AQP9: variants seen among roughly 807,000 people sequenced by gnomAD.
AQP9 encodes aquaporin 9, also known as aquaporin-9.
Under a neutral mutation model 23.8 loss-of-function variants are expected in AQP9, and 19 were observed. The ratio of observed to expected loss-of-function variants is 0.80; its 90% confidence interval spans 0.56 to 1.17. The LOEUF is 1.17. AQP9 is among the 50% of genes most tolerant of loss of function. AQP9 has a pLI of 0.00. For synonymous variants in AQP9, 153 were observed against 131.5 expected (o/e 1.16, Z -1.12); for missense variants, 413 against 362.0 (o/e 1.14, Z -1.14).
intron 1 of AQP9, among the ~76,000 whole-genome samples, chr15:58,165,354 G>A (rs1363933269): frequency 6.6e-6 from 1 of 152,134 alleles, no homozygotes; most frequent in East Asian, 1.9e-4. Flanking sequence ...CAATGAATAT[G>A]TGGGGCCCAT....
At chr15:58,158,760 G>A (rs1307649581) in intron 1 of AQP9, among the ~76,000 whole-genome samples, 5 of 152,162 alleles carry the variant, frequency 3.3e-5, no homozygotes, top group African/African-American at 9.6e-5. Context: ...AAGGTAGATA[G>A]AAGACATGTT....
At chr15:58,150,449 C>G (rs1898127287) in intron 1 of AQP9, 1 of 152,618 alleles carries the variant, frequency 6.6e-6, no homozygotes, top group South Asian at 2.1e-4. Flanking sequence ...CCTCTGCCAA[C>G]TAAAATTTCA....
rs34090745 is a variant in AQP9, at chr15:58,160,637, G to GAAA, written c.112-6030_112-6028dup. Among the ~76,000 whole-genome samples the GAAA allele has an allele frequency of 2.6e-3, 387 of 150,592 alleles. 1 individual carries two copies. The Middle Eastern group carries it at 0.045, about 17-fold the overall frequency. ...TGTATGGTTTTCCTCCAATTAACCT[G>GAAA]AAAAAAAATGTACTTCCCTGGTGGA... On this transcript the variant is annotated intron_variant, in intron 1 of 5. Coordinates refer to ENST00000219919, the MANE Select transcript of AQP9 (RefSeq NM_020980.5).
At chr15:58,175,816 G>A (rs893730829) in intron 4 of AQP9, among the ~76,000 whole-genome samples, 2 of 152,270 alleles carry the variant, frequency 1.3e-5, no homozygotes, top group South Asian at 4.2e-4. Flanking sequence ...TTCAATGTAT[G>A]GATGAAAAAC....
intron 1 of AQP9, among the ~76,000 whole-genome samples, chr15:58,159,064 G>C (rs1171553554): frequency 6.6e-6 from 1 of 152,130 alleles, no homozygotes; most frequent in East Asian, 1.9e-4. Flanking sequence ...GCAGGGTTAC[G>C]TGCAATAAAA....
At chr15:58,182,126 C>T (rs1374829157) in intron 5 of AQP9, among the ~76,000 whole-genome samples, 1 of 152,168 alleles carries the variant, frequency 6.6e-6, no homozygotes, top group Non-Finnish European at 1.5e-5. Flanking sequence ...TGGCCAAAGA[C>T]TCTTGGTTTT....
rs748783905 is a variant in AQP9 at position 58,166,728 on chromosome 15, G to T, written c.167G>T (p.Gly56Val). ...QAILSRGRFG[G>V]VITINVGFSM... ...ATTCTCAGTCGAGGACGTTTTGGAGGGGTCATCACTATCAATGTTGGATTT... is the reference window on the plus strand; with the variant it reads ...ATTCTCAGTCGAGGACGTTTTGGAGTGGTCATCACTATCAATGTTGGATTT... Residue 56 changes from glycine (G) to valine (V), a missense_variant, in exon 2 of 6, where the codon GGG becomes GTG. Gly to Val is a moderately radical substitution (Grantham distance 109). Transcript: ENST00000219919. 6.2e-7 allele frequency: 1 copy of T among 1,613,862 alleles called. No individual in the cohort carries two copies. The highest frequency in any genetic ancestry group is 8.5e-7 in the Non-Finnish European group (1 of 1,179,832).
intron 2 of AQP9, among the ~76,000 whole-genome samples, chr15:58,168,665 T>C (rs1898558837): frequency 2.0e-5 from 3 of 152,166 alleles, no homozygotes; most frequent in Admixed American, 1.3e-4. Context: ...CAGATTCCTA[T>C]ATATGTGATT....
In AQP9 at chr15:58,163,345, A is replaced by G. The variant is rs563695851; in HGVS notation, c.112-3328A>G. On this transcript the variant is annotated intron_variant, in intron 1 of 5. Coordinates refer to ENST00000219919, the MANE Select transcript of AQP9 (RefSeq NM_020980.5). ...AAATCTTAAAAGTCTGTAGGCCTGC[A>G]GAGGAGGAGTGCGTGGTGGACTTCA... Among the ~76,000 whole-genome samples, 4 of 152,332 alleles carry G rather than the reference A, an allele frequency of 2.6e-5. No individual in the cohort carries two copies. In the South Asian group the frequency reaches 8.3e-4, roughly 32 times the overall value.
At chr15:58,168,734 C>A (rs1468563483) in intron 2 of AQP9, among the ~76,000 whole-genome samples, 1 of 152,164 alleles carries the variant, frequency 6.6e-6, no homozygotes, top group African/African-American at 2.4e-5. Flanking sequence ...GTGATCCCAG[C>A]ACTCTACTGC....
At chr15:58,165,855 C>A (rs1898489874) in intron 1 of AQP9, among the ~76,000 whole-genome samples, 1 of 152,200 alleles carries the variant, frequency 6.6e-6, no homozygotes, top group Non-Finnish European at 1.5e-5. Flanking sequence ...CAGCACAGCA[C>A]TGGGCTTGGT....
chr15:58,173,994 A>G (rs573020064), intron 3 of AQP9, among the ~76,000 whole-genome samples: 34 of 152,212 alleles, frequency 2.2e-4, no homozygotes, highest in Non-Finnish European at 4.3e-4. Flanking sequence ...GAAATGGGTC[A>G]TGGAGGGCTG....
chr15:58,153,717 C>T (rs561805871), intron 1 of AQP9: 2 of 152,252 alleles, frequency 1.3e-5, no homozygotes, highest in East Asian at 3.9e-4. Flanking sequence ...CATTGGCAGC[C>T]TCACACTTAC....
At chr15:58,168,739 T>A (rs572715803) in intron 2 of AQP9, among the ~76,000 whole-genome samples, 1 of 152,162 alleles carries the variant, frequency 6.6e-6, no homozygotes, top group South Asian at 2.1e-4. Flanking sequence ...CCCAGCACTC[T>A]ACTGCTTAAC....
intron 1 of AQP9, among the ~76,000 whole-genome samples, chr15:58,140,322 A>C (rs1020790113): frequency 6.6e-6 from 1 of 152,114 alleles, no homozygotes; most frequent in African/African-American, 2.4e-5. Context: ...TCACTGTTCA[A>C]CTGGCCTTGT....
rs541891900 is a variant in AQP9, at chr15:58,179,417, T to C, written c.713+72T>C. 2.1e-6 allele frequency: 3 copies of C among 1,413,558 alleles called. No homozygotes were observed. The African/African-American group carries it at 4.3e-5, about 20-fold the overall frequency. The allele number at this position is 1,413,558 out of a possible 1,614,324, so 87.6% of individuals were successfully genotyped here. ...TCACCAGTGGGGCGGGGCTTTGACA[T>C]GGAGATCCAGGGAAGTTCAGATGAC... On this transcript the variant is annotated intron_variant, in intron 5 of 5. Transcript: ENST00000219919.
chr15:58,161,200 A>G (rs1898376280), intron 1 of AQP9, among the ~76,000 whole-genome samples: 1 of 152,100 alleles, frequency 6.6e-6, no homozygotes, highest in South Asian at 2.1e-4. Flanking sequence ...GGAATGACAG[A>G]CTATGGGTGG....
intron 1 of AQP9, among the ~76,000 whole-genome samples, chr15:58,160,653 C>A (rs1371399144): frequency 2.8e-5 from 4 of 143,342 alleles, no homozygotes; most frequent in African/African-American, 1.0e-4. Context: ...AAATGTACTT[C>A]CCTGGTGGAC....
chr15:58,161,019 G>A lies in AQP9; in HGVS notation c.112-5654G>A, dbSNP rs1898368994. Among the ~76,000 whole-genome samples, 4 of 152,164 alleles carry A rather than the reference G, an allele frequency of 2.6e-5. No homozygotes were observed. In the South Asian group the frequency reaches 8.3e-4, roughly 31 times the overall value. On this transcript the variant is annotated intron_variant, in intron 1 of 5. Transcript: ENST00000219919. The stretch of plus-strand genomic sequence containing the variant: ...GGAAAGGAAGGTGGCTGGGAATCAT[G>A]AGGTAAGGCAATGGAGAGCCCTGAG...
Sources: gnomAD v4.1 joint callset for allele counts (sites outside exome capture counted in the v4.1 genomes callset) on GRCh38, gnomAD v4.1.1 for gene constraint, MANE v1.5 for transcripts, NCBI Gene and HGNC (gene_info 2026-07-23, HGNC 2026-07-21) for gene names.